COL9A3: variants seen among roughly 807,000 people sequenced by gnomAD.
The protein encoded by COL9A3 is collagen type IX alpha 3 chain.
Under a neutral mutation model 110.2 loss-of-function variants are expected in COL9A3, and 82 were observed. That is an observed-to-expected ratio of 0.74 (90% confidence interval 0.62 to 0.89). The LOEUF is 0.89. Among genes scored for constraint, COL9A3 ranks in the 40% least tolerant of loss-of-function variants. The pLI, the probability that COL9A3 is intolerant of heterozygous loss-of-function variation, is 0.00. For synonymous variants in COL9A3, 494 were observed against 403.8 expected, an observed-to-expected ratio of 1.22 and a Z score of -2.68; for missense variants, 1,066 against 981.3, an observed-to-expected ratio of 1.09 and a Z score of -1.15.
intron 26 of COL9A3, among the ~76,000 whole-genome samples, chr20:62,833,464 C>T (rs1184296382): frequency 2.0e-5 from 3 of 152,134 alleles, no homozygotes; most frequent in South Asian, 2.1e-4. Context: ...AGTGCAGTGG[C>T]GCGATCTCGG....
At chr20:62,829,354 C>G in intron 19 of COL9A3, 101 bp from the exon 20 acceptor site, 3 of 1,495,016 alleles carry the variant, frequency 2.0e-6, no homozygotes, top group South Asian at 1.2e-5. Flanking sequence ...TTTGGGTGCA[C>G]TCACTCTGGC....
At chr20:62,826,726 C>A in intron 14 of COL9A3, 41 bp from the exon 15 acceptor site, 2 of 1,608,664 alleles carry the variant, frequency 1.2e-6, no homozygotes, top group Non-Finnish European at 1.7e-6. Flanking sequence ...GCCAGCCAGG[C>A]CTCAGACAAG....
chr20:62,816,976 G>C (rs1335108298), upstream of COL9A3: 6 of 681,794 alleles, frequency 8.8e-6, no homozygotes, highest in South Asian at 1.4e-4. Flanking sequence ...GCGGGGGCGG[G>C]AAGGGGAAGG....
intron 28 of COL9A3, 37 bp from the exon 29 acceptor site, chr20:62,836,441 C>T (rs371889850): frequency 3.0e-5 from 49 of 1,613,450 alleles, no homozygotes; most frequent in East Asian, 6.7e-5. Context: ...CCGAGGCTGC[C>T]GCCCCCATGC....
intron 6 of COL9A3, 82 bp from the exon 7 acceptor site, chr20:62,821,424 AC>A: frequency 1.9e-6 from 3 of 1,576,828 alleles, no homozygotes; most frequent in Non-Finnish European, 2.6e-6. Context: ...TTTCCCCAGG[AC>A]CCACCTGAGC....
Position 62,819,092 on chromosome 20 carries a change from G to A in COL9A3, c.184-130G>A, listed in dbSNP as rs117754949. The A allele has an allele frequency of 0.013, 12,318 of 918,700 alleles. 164 individuals are homozygous for A. The highest frequency in any genetic ancestry group is 0.041 in the South Asian group (2,926 of 71,990). 56.9% of individuals were successfully genotyped at this position (918,700 alleles called of 1,614,324 possible). A position where few individuals can be genotyped will look rare whatever the true frequency, so the allele number is the denominator to read the frequency against. On this transcript the variant is annotated intron_variant, in intron 3 of 31. Coordinates refer to ENST00000649368, the MANE Select transcript of COL9A3 (RefSeq NM_001853.4). ...AGCCGGGTCTGCCAGACAGTAGGGGGGACCCAGGAGAGGGGCCCATCCCGT... is the reference window on the plus strand; with the variant it reads ...AGCCGGGTCTGCCAGACAGTAGGGGAGACCCAGGAGAGGGGCCCATCCCGT...
At chr20:62,824,590 CAGAA>C in intron 11 of COL9A3, 89 bp downstream of exon 11, 2 of 1,362,632 alleles carry the variant, frequency 1.5e-6, no homozygotes, top group Non-Finnish European at 2.0e-6. Context: ...GTGGCGGGTC[CAGAA>C]AGCTGGACCC....
chr20:62,825,703 T>G (rs775490267), intron 12 of COL9A3, 114 bp from the exon 13 acceptor site: 7 of 1,072,766 alleles, frequency 6.5e-6, no homozygotes, highest in Non-Finnish European at 9.8e-6. Context: ...AAGGCCCAGC[T>G]GTGAAGGGGG....
At chr20:62,837,709 A>G (rs2063647934) in intron 30 of COL9A3, among the ~76,000 whole-genome samples, 1 of 152,172 alleles carries the variant, frequency 6.6e-6, no homozygotes, top group Non-Finnish European at 1.5e-5. Flanking sequence ...CAGGAGGCTG[A>G]GGCAGGAGAA....
rs868672562 is a variant in COL9A3, at chr20:62,837,976, C to A, written c.1787-708C>A. 1.1e-4 allele frequency among the ~76,000 whole-genome samples: 16 copies of A among 152,200 alleles called. No individual in the cohort carries two copies. In the Middle Eastern group the frequency reaches 0.01, roughly 97 times the overall value. ...TACTAAAAATACAAAATTAGCCAGG[C>A]AAAACACAGATGTAAGATTTGAATG... On this transcript the variant is annotated intron_variant, in intron 30 of 31. Coordinates refer to ENST00000649368, the MANE Select transcript of COL9A3 (RefSeq NM_001853.4).
intron 22 of COL9A3, among the ~76,000 whole-genome samples, chr20:62,830,053 T>C (rs919630596): frequency 1.3e-5 from 2 of 152,132 alleles, no homozygotes; most frequent in Non-Finnish European, 2.9e-5. Context: ...AGCCCAGCCT[T>C]GTGCCCCCAT....
intron 26 of COL9A3, among the ~76,000 whole-genome samples, chr20:62,833,437 T>G (rs1452881800): frequency 1.3e-5 from 2 of 152,240 alleles, no homozygotes; most frequent in African/African-American, 2.4e-5. Flanking sequence ...CGAGTCTCAC[T>G]CTGTCACCCA....
At chr20:62,838,086 T>C (rs183918754) in intron 30 of COL9A3, among the ~76,000 whole-genome samples, 6 of 152,370 alleles carry the variant, frequency 3.9e-5, no homozygotes, top group Non-Finnish European at 5.9e-5. Flanking sequence ...TATTAATAAA[T>C]ACTCAACTGC....
At position 62,840,529 on chromosome 20, in the gene COL9A3, G is replaced by C. The variant is rs780049296; in HGVS notation, c.1865-13G>C. The C allele has an allele frequency of 3.7e-6, 6 of 1,610,888 alleles. No homozygotes were observed. The highest frequency in any genetic ancestry group is 5.1e-6 in the Non-Finnish European group (6 of 1,179,414). ...GGGCTGCAGCTGAACTCACCTTTCT[G>C]CTCTGTCCCAAGGACCCCAAGGCGT... On this transcript the variant is annotated splice_polypyrimidine_tract_variant and intron_variant, in intron 31 of 31. Coordinates refer to ENST00000649368, the MANE Select transcript of COL9A3 (RefSeq NM_001853.4).
Position 62,829,800 on chromosome 20 carries a change from C to A in COL9A3, c.1142C>A (p.Ala381Asp). 1 of 1,580,524 alleles carries A rather than the reference C, an allele frequency of 6.3e-7. No homozygotes were observed. Among genetic ancestry groups the A allele is most frequent in the Admixed American group, 1.8e-5 (1 of 55,020 alleles). ...DAGMPGERGE[A>D]GHRGSAGALG... Reference sequence around the variant, plus strand: ...GGCATGCCTGGGGAGCGCGGTGAGGCTGGCCACCGGGGCTCAGCGGTGAGT... The same window carrying A: ...GGCATGCCTGGGGAGCGCGGTGAGGATGGCCACCGGGGCTCAGCGGTGAGT... The change falls in exon 22 of 32, where the codon GCT (alanine) becomes GAT (aspartate). Residue 381 changes from alanine to aspartate, a missense_variant. Coordinates refer to ENST00000649368, the MANE Select transcript of COL9A3 (RefSeq NM_001853.4).
chr20:62,817,128 G>A lies in COL9A3; in HGVS notation c.64G>A (p.Ala22Thr), dbSNP rs1324608578. ...LLLLLGELLAAAGAQRVGLPG... is the reference protein window; with the variant it reads ...LLLLLGELLATAGAQRVGLPG... ...GCTCCTGCTCGGGGAGCTTCTGGCG[G>A]CCGCCGGGGCGCAGGTGAGCGCGAG... Residue 22 changes from alanine (A) to threonine (T), a missense_variant, in exon 1 of 32, where the codon GCC becomes ACC. Physicochemically the swap from Ala to Thr is moderately conservative, Grantham distance 58 (BLOSUM62 0). Transcript: ENST00000649368. 1 of 1,397,578 alleles carries A rather than the reference G, an allele frequency of 7.2e-7. No homozygotes were observed. The highest frequency in any genetic ancestry group is 9.3e-7 in the Non-Finnish European group (1 of 1,070,170). The allele number at this position is 1,397,578 out of a possible 1,614,324, so 86.6% of individuals were successfully genotyped here.
chr20:62,839,593 T>C (rs2063658906), intron 31 of COL9A3, among the ~76,000 whole-genome samples: 1 of 151,960 alleles, frequency 6.6e-6, no homozygotes, highest in Non-Finnish European at 1.5e-5. Flanking sequence ...CTGGGTGCCC[T>C]GGAGCCTTCT....
At chr20:62,818,855 C>T (rs1991023453) in intron 3 of COL9A3, among the ~76,000 whole-genome samples, 1 of 152,210 alleles carries the variant, frequency 6.6e-6, no homozygotes, top group Non-Finnish European at 1.5e-5. Context: ...CACCTGGAGC[C>T]CTCCCACCTT....
At chr20:62,825,618 C>G (rs1331714294) in intron 12 of COL9A3, 199 bp from the exon 13 acceptor site, 1 of 633,924 alleles carries the variant, frequency 1.6e-6, no homozygotes, top group Non-Finnish European at 2.9e-6. Context: ...GGACCCCGGC[C>G]CGGCAGGGCG....
Sources: gnomAD v4.1 joint callset for allele counts (sites outside exome capture counted in the v4.1 genomes callset) on GRCh38, gnomAD v4.1.1 for gene constraint, MANE v1.5 for transcripts, NCBI Gene and HGNC (gene_info 2026-07-23, HGNC 2026-07-21) for gene names.